MEF2B: variants seen among roughly 807,000 people sequenced by gnomAD.
MEF2B encodes myocyte enhancer factor 2B.
A neutral mutation model predicts 32.2 loss-of-function variants in MEF2B; 15 were observed. The observed-to-expected ratio is 0.47, with a 90% CI of 0.31 to 0.72. The LOEUF is 0.72. MEF2B is among the 30% of genes least tolerant of loss of function. The probability of loss-of-function intolerance (pLI) is 0.05; values close to 1 mark genes in which losing one functional copy is unlikely to be tolerated. For synonymous variants in MEF2B, 205 were observed against 225.6 expected (o/e 0.91, Z 0.82); for missense variants, 441 against 511.5 (o/e 0.86, Z 1.33).
chr19:19,169,975 G>C (rs2060240878), intron 1 of MEF2B, among the ~76,000 whole-genome samples: 1 of 152,020 alleles, frequency 6.6e-6, no homozygotes, highest in Admixed American at 6.6e-5. Context: ...CAGACGCAGA[G>C]CCCTTGGACA....
chr19:19,166,219 C>A (rs2146385416), intron 1 of MEF2B, among the ~76,000 whole-genome samples: 1 of 152,246 alleles, frequency 6.6e-6, no homozygotes, highest in South Asian at 2.1e-4. Context: ...CACCCCCACC[C>A]AGGCTGGGAA....
chr19:19,154,231 G>A (rs577709435), intron 1 of MEF2B, among the ~76,000 whole-genome samples: 2 of 151,806 alleles, frequency 1.3e-5, no homozygotes, highest in Non-Finnish European at 2.9e-5. Flanking sequence ...TGGCGTGATC[G>A]CGGCTTACTG....
chr19:19,160,522 G>A (rs112605211), intron 1 of MEF2B, among the ~76,000 whole-genome samples: 1 of 151,614 alleles, frequency 6.6e-6, no homozygotes, highest in Non-Finnish European at 1.5e-5. Flanking sequence ...TTACTGGGGG[G>A]ATGAGCTGCA....
chr19:19,170,256 A>T lies in MEF2B; in HGVS notation c.-81T>A. Reference sequence around the variant, plus strand: ...GGGCGCACGGACCCGCGGCGGCTGCACGAAGATCAGGGGCCCGCGGCCGCA... The same window carrying T: ...GGGCGCACGGACCCGCGGCGGCTGCTCGAAGATCAGGGGCCCGCGGCCGCA... On this transcript the variant is annotated 5_prime_UTR_variant, in exon 1 of 9. Transcript: ENST00000424583. 2 of 398,536 alleles carry T rather than the reference A, an allele frequency of 5.0e-6. No individual in the cohort carries two copies. The highest frequency in any genetic ancestry group is 8.9e-6 in the Non-Finnish European group (2 of 225,984). 24.7% of individuals were successfully genotyped at this position (398,536 alleles called of 1,614,324 possible).
At chr19:19,153,934 G>A (rs775543128) in intron 1 of MEF2B, among the ~76,000 whole-genome samples, 8 of 151,706 alleles carry the variant, frequency 5.3e-5, no homozygotes, top group Non-Finnish European at 1.5e-5. Flanking sequence ...TTTTCTTTTT[G>A]TAGAGATGGA....
intron 1 of MEF2B, 83 bp from the exon 2 acceptor site, chr19:19,150,847 G>A: frequency 6.7e-7 from 1 of 1,489,492 alleles, no homozygotes; most frequent in Non-Finnish European, 9.2e-7. Flanking sequence ...TCCTCTGTCT[G>A]CCCCTGCCAG....
rs113540011 is a variant in MEF2B, at chr19:19,166,580, A to ACC, written c.-30+3623_-30+3624dup. On this transcript the variant is annotated intron_variant, in intron 1 of 8. Coordinates refer to ENST00000424583, the MANE Select transcript of MEF2B (RefSeq NM_001145785.2). ...AGACCAGCCTGAGCAACATAGGGAG[A>ACC]CCCCCCCATCTCCAATTAAAAAAAA... is the stretch of plus-strand genomic sequence containing the variant. Among the ~76,000 whole-genome samples, 872 of 136,188 alleles carry ACC rather than the reference A, an allele frequency of 6.4e-3. 15 individuals carry two copies. The highest frequency in any genetic ancestry group is 0.021 in the African/African-American group (732 of 35,534). 89.3% of individuals were successfully genotyped at this position (136,188 alleles called of 152,430 possible).
At chr19:19,154,229 TC>T (rs1446182355) in intron 1 of MEF2B, among the ~76,000 whole-genome samples, 1 of 152,178 alleles carries the variant, frequency 6.6e-6, no homozygotes, top group Non-Finnish European at 1.5e-5. Context: ...AGTGGCGTGA[TC>T]GCGGCTTACT....
chr19:19,165,559 G>A (rs370396111), intron 1 of MEF2B, among the ~76,000 whole-genome samples: 221 of 152,276 alleles, frequency 1.5e-3, no homozygotes, highest in African/African-American at 4.9e-3. Context: ...CACATCTGGG[G>A]TGGAGTGAGC....
intron 4 of MEF2B, 58 bp downstream of exon 4, chr19:19,147,640 G>C: frequency 6.3e-7 from 1 of 1,590,118 alleles, no homozygotes; most frequent in Non-Finnish European, 8.6e-7. Flanking sequence ...CAGCCTCAAC[G>C]ACTTGGGCCT....
chr19:19,146,143 C>A, intron 8 of MEF2B, 121 bp from the exon 9 acceptor site: 1 of 957,140 alleles, frequency 1.0e-6, no homozygotes, highest in South Asian at 2.0e-5. Context: ...GGGTGGCGGT[C>A]CCTCTTGGGG....
In MEF2B at chr19:19,147,203, G is replaced by T; in HGVS notation, c.394-20C>A. ...TGCAGGCTGTGGGTAGAGAAGGGATGGGTCAGAGGACCCCAGGCCAGATGG... is the reference window on the plus strand; with the variant it reads ...TGCAGGCTGTGGGTAGAGAAGGGATTGGTCAGAGGACCCCAGGCCAGATGG... On this transcript the variant is annotated intron_variant, in intron 4 of 8. Transcript: ENST00000424583. 3 of 1,527,206 alleles carry T rather than the reference G, an allele frequency of 2.0e-6. No individual in the cohort carries two copies. Among genetic ancestry groups the T allele is most frequent in the East Asian group, 2.5e-5 (1 of 40,488 alleles). The allele number at this position is 1,527,206 out of a possible 1,614,324, so 94.6% of individuals were successfully genotyped here. A position where few individuals can be genotyped will look rare whatever the true frequency, so the allele number is the denominator to read the frequency against.
At chr19:19,158,221 G>A (rs56081188) in intron 1 of MEF2B, among the ~76,000 whole-genome samples, 2,160 of 151,548 alleles carry the variant, frequency 0.014, 59 homozygotes, top group African/African-American at 0.05. Context: ...CTAAGTAGCT[G>A]GGATTACAGG....
At chr19:19,150,312 G>A (rs13345863) in intron 2 of MEF2B, among the ~76,000 whole-genome samples, 2,111 of 151,628 alleles carry the variant, frequency 0.014, 45 homozygotes, top group African/African-American at 0.049. Flanking sequence ...GGCAGATCAC[G>A]AGGTCAGGAG....
rs768540752 is a variant in MEF2B, at chr19:19,147,217, C to CTTCA, written c.394-35_394-34insTGAA. ...AGAGAAGGGATGGGTCAGAGGACCC[C>CTTCA]AGGCCAGATGGGGGTGCCAAGTCCA... On this transcript the variant is annotated intron_variant, in intron 4 of 8. Coordinates refer to ENST00000424583, the MANE Select transcript of MEF2B (RefSeq NM_001145785.2). The CTTCA allele has an allele frequency of 1.8e-4, 129 of 701,726 alleles. 3 individuals are homozygous for CTTCA. The highest frequency in any genetic ancestry group is 3.5e-4 in the Middle Eastern group (1 of 2,840). 43.5% of individuals were successfully genotyped at this position (701,726 alleles called of 1,614,324 possible). A position where few individuals can be genotyped will look rare whatever the true frequency, so the allele number is the denominator to read the frequency against.
chr19:19,151,057 A>C (rs559070118), intron 1 of MEF2B, among the ~76,000 whole-genome samples: 3 of 152,178 alleles, frequency 2.0e-5, no homozygotes, highest in Non-Finnish European at 4.4e-5. Context: ...GTTTGAGGCC[A>C]GCCTGGGCAA....
chr19:19,160,573 G>A (rs1025082114), intron 1 of MEF2B, among the ~76,000 whole-genome samples: 4 of 151,400 alleles, frequency 2.6e-5, no homozygotes, highest in African/African-American at 7.3e-5. Flanking sequence ...GGGAGGCCAC[G>A]GCTTGGCAGA....
chr19:19,147,907 G>T, intron 3 of MEF2B, 75 bp from the exon 4 acceptor site: 1 of 1,540,778 alleles, frequency 6.5e-7, no homozygotes. Context: ...TGGGAGAGGG[G>T]ACAGACCATC....
At chr19:19,146,134 G>C in intron 8 of MEF2B, 112 bp from the exon 9 acceptor site, 4 of 1,003,618 alleles carry the variant, frequency 4.0e-6, no homozygotes, top group Non-Finnish European at 5.5e-6. Context: ...GAAAGGAGGG[G>C]GTGGCGGTCC....
Sources: gnomAD v4.1 joint callset for allele counts (sites outside exome capture counted in the v4.1 genomes callset) on GRCh38, gnomAD v4.1.1 for gene constraint, MANE v1.5 for transcripts, NCBI Gene and HGNC (gene_info 2026-07-23, HGNC 2026-07-21) for gene names.